The following RBM19 variants were observed in gnomAD, a reference collection of about 807,000 sequenced individuals.
The protein encoded by RBM19 is probable RNA-binding protein 19.
RBM19 carries 94 observed loss-of-function variants against 116.8 expected under a neutral mutation model. The observed-to-expected ratio is 0.80, with a 90% CI of 0.68 to 0.95. RBM19 has a LOEUF of 0.95. Among genes scored for constraint, RBM19 ranks in the 40% least tolerant of loss-of-function variants. The pLI is 0.00. For synonymous variants in RBM19, 475 were observed against 494.1 expected, an observed-to-expected ratio of 0.96 and a Z score of 0.51; for missense variants, 1,161 against 1,220.7, an observed-to-expected ratio of 0.95 and a Z score of 0.73.
chr12:113,943,048 A>G (rs980228020), intron 13 of RBM19, among the ~76,000 whole-genome samples: 2 of 152,130 alleles, frequency 1.3e-5, no homozygotes, highest in African/African-American at 2.4e-5. Context: ...GGGCTCCTGC[A>G]GTTGTTGACC....
At chr12:113,934,104 C>A (rs191081333) in intron 16 of RBM19, among the ~76,000 whole-genome samples, 8 of 152,278 alleles carry the variant, frequency 5.3e-5, no homozygotes, top group Non-Finnish European at 7.3e-5. Flanking sequence ...AGGCATGCAC[C>A]ACTACGCCCA....
intron 20 of RBM19, among the ~76,000 whole-genome samples, chr12:113,917,041 G>A (rs543104070): frequency 1.3e-5 from 2 of 152,372 alleles, no homozygotes; most frequent in Admixed American, 1.3e-4. Flanking sequence ...AAGAGATGTG[G>A]AACATTTCCA....
chr12:113,946,463 G>T lies in RBM19; in HGVS notation c.1420C>A (p.His474Asn), dbSNP rs150497537. The stretch of plus-strand genomic sequence containing the variant: ...TTCTTGATGGTAGATGGTAACACGT[G>T]GAGCATCCTGCCCTGGATGGGAATG... ...DGQVFQGRML[H>N]VLPSTIKKEA... The change falls in exon 12 of 24, where the codon CAC (histidine) becomes AAC (asparagine). Residue 474 changes from histidine (H) to asparagine (N), a missense_variant. His to Asn is a moderately conservative substitution (Grantham distance 68). Transcript: ENST00000261741. 5 of 1,614,166 alleles carry T rather than the reference G, an allele frequency of 3.1e-6. No individual in the cohort carries two copies. The highest frequency in any genetic ancestry group is 4.2e-6 in the Non-Finnish European group (5 of 1,180,034).
chr12:113,947,271 C>G, intron 11 of RBM19, 63 bp downstream of exon 11: 1 of 1,527,434 alleles, frequency 6.5e-7, no homozygotes, highest in Non-Finnish European at 8.9e-7. Context: ...CACACACACA[C>G]ACCAGCCTTT....
At chr12:113,957,554 G>A (rs954848080) in intron 6 of RBM19, among the ~76,000 whole-genome samples, 1 of 150,330 alleles carries the variant, frequency 6.7e-6, no homozygotes, top group Admixed American at 6.6e-5. Context: ...GTGACAGAGT[G>A]AGACTCTGTC....
intron 21 of RBM19, among the ~76,000 whole-genome samples, chr12:113,880,816 C>T (rs1880059733): frequency 6.6e-6 from 1 of 152,158 alleles, no homozygotes; most frequent in African/African-American, 2.4e-5. Flanking sequence ...ACTGCAGGGG[C>T]CTTACTGGTC....
chr12:113,893,394 G>A (rs1220465283), intron 21 of RBM19, among the ~76,000 whole-genome samples: 2 of 152,176 alleles, frequency 1.3e-5, no homozygotes, highest in Non-Finnish European at 2.9e-5. Flanking sequence ...CCTCCCAAAA[G>A]TGCTGGGATT....
intron 9 of RBM19, among the ~76,000 whole-genome samples, chr12:113,949,739 C>T (rs528990189): frequency 8.0e-4 from 122 of 152,308 alleles, no homozygotes; most frequent in Non-Finnish European, 1.6e-3. Flanking sequence ...CCCAATGTCA[C>T]CCCTCGGTGA....
chr12:113,959,124 A>T, intron 5 of RBM19, 88 bp downstream of exon 5: 3 of 1,451,284 alleles, frequency 2.1e-6, no homozygotes, highest in Non-Finnish European at 2.8e-6. Flanking sequence ...TGACTCCTAG[A>T]GTCTGCACAG....
chr12:113,899,356 A>T (rs1158925213), intron 21 of RBM19, among the ~76,000 whole-genome samples: 1 of 152,228 alleles, frequency 6.6e-6, no homozygotes, highest in African/African-American at 2.4e-5. Context: ...ACCCTAAGCC[A>T]GGAGTGATAC....
intron 21 of RBM19, among the ~76,000 whole-genome samples, chr12:113,897,168 G>A (rs1881395633): frequency 6.6e-6 from 1 of 152,150 alleles, no homozygotes; most frequent in African/African-American, 2.4e-5. Context: ...GACAGTCAGT[G>A]TTTATTTTTT....
chr12:113,840,840 G>A (rs1356026407), intron 23 of RBM19, among the ~76,000 whole-genome samples: 1 of 152,206 alleles, frequency 6.6e-6, no homozygotes, highest in Non-Finnish European at 1.5e-5. Flanking sequence ...GTGGTTAAGA[G>A]CTCTGACACT....
intron 21 of RBM19, among the ~76,000 whole-genome samples, chr12:113,911,202 T>C (rs1314283692): frequency 1.3e-5 from 2 of 152,194 alleles, no homozygotes; most frequent in East Asian, 1.9e-4. Context: ...TGTGTGTACA[T>C]GCATACTTGC....
intron 21 of RBM19, among the ~76,000 whole-genome samples, chr12:113,871,314 T>G (rs545230217): frequency 1.3e-5 from 2 of 152,342 alleles, no homozygotes; most frequent in East Asian, 3.9e-4. Flanking sequence ...TTACTTTTAT[T>G]TTAGAAACAA....
At chr12:113,884,826 G>C (rs1351347187) in intron 21 of RBM19, among the ~76,000 whole-genome samples, 1 of 152,140 alleles carries the variant, frequency 6.6e-6, no homozygotes, top group Non-Finnish European at 1.5e-5. Flanking sequence ...GGTTCCCACT[G>C]GTCAAATTGG....
intron 21 of RBM19, among the ~76,000 whole-genome samples, chr12:113,911,011 G>A (rs1882392671): frequency 6.6e-6 from 1 of 150,938 alleles, no homozygotes; most frequent in Admixed American, 6.6e-5. Flanking sequence ...AAACACACAT[G>A]TGCAACATAC....
At chr12:113,872,356 C>T (rs1193676678) in intron 21 of RBM19, among the ~76,000 whole-genome samples, 1 of 150,138 alleles carries the variant, frequency 6.7e-6, no homozygotes, top group Non-Finnish European at 1.5e-5. Context: ...AAGTGAGGAG[C>T]CTCTCTGCCC....
At chr12:113,951,211 C>G (rs1410591183) in intron 8 of RBM19, among the ~76,000 whole-genome samples, 1 of 152,156 alleles carries the variant, frequency 6.6e-6, no homozygotes, top group Non-Finnish European at 1.5e-5. Context: ...AGGGGCCCAG[C>G]CTGCCTCCTC....
At chr12:113,826,841 G>T (rs1319016992) in intron 23 of RBM19, among the ~76,000 whole-genome samples, 1 of 152,216 alleles carries the variant, frequency 6.6e-6, no homozygotes, top group Non-Finnish European at 1.5e-5. Context: ...AGCACTCATG[G>T]GGCGGGGGCT....
Sources: gnomAD v4.1 joint callset for allele counts (sites outside exome capture counted in the v4.1 genomes callset) on GRCh38, gnomAD v4.1.1 for gene constraint, MANE v1.5 for transcripts, NCBI Gene and HGNC (gene_info 2026-07-23, HGNC 2026-07-21) for gene names.